Variants in UBXN7 observed in about 807,000 individuals in gnomAD.
UBXN7 encodes the protein UBX domain protein 7.
A neutral mutation model predicts 58.0 loss-of-function variants in UBXN7; 9 were observed. The ratio of observed to expected loss-of-function variants is 0.16; its 90% CI spans 0.09 to 0.27. UBXN7 has a LOEUF of 0.27. Ranked by LOEUF, UBXN7 falls within the 10% of genes least tolerant of loss-of-function variation. The pLI, the probability that UBXN7 is intolerant of heterozygous loss-of-function variation, is 1.00. For synonymous variants in UBXN7, 208 were observed against 205.0 expected (o/e 1.01, Z -0.12); for missense variants, 328 against 599.6 (o/e 0.55, Z 4.73).
At chr3:196,428,248 A>G (rs950014276) in intron 1 of UBXN7, among the ~76,000 whole-genome samples, 3 of 152,162 alleles carry the variant, frequency 2.0e-5, no homozygotes, top group Non-Finnish European at 4.4e-5. Context: ...TATCAGTCTG[A>G]CCATGCAAAA....
intron 5 of UBXN7, among the ~76,000 whole-genome samples, chr3:196,382,230 C>T (rs12487609): frequency 6.6e-6 from 1 of 152,174 alleles, no homozygotes; most frequent in Admixed American, 6.5e-5. Context: ...GTGTTAAGGG[C>T]AGCCAGAGAG....
At chr3:196,393,490 A>G in intron 4 of UBXN7, 64 bp downstream of exon 4, 1 of 1,492,396 alleles carries the variant, frequency 6.7e-7, no homozygotes, top group Non-Finnish European at 9.1e-7. Flanking sequence ...CCTAATAGTA[A>G]TCATCTTTGT....
chr3:196,391,790 G>A, intron 5 of UBXN7, 23 bp downstream of exon 5: 2 of 1,541,914 alleles, frequency 1.3e-6, no homozygotes, highest in Non-Finnish European at 1.8e-6. Context: ...CATAGTTAAG[G>A]CACTGACTCT....
chr3:196,431,225 G>C, intron 1 of UBXN7, among the ~76,000 whole-genome samples: 1 of 152,132 alleles, frequency 6.6e-6, no homozygotes, highest in Non-Finnish European at 1.5e-5. Flanking sequence ...GATCCGTTGA[G>C]AGGGAACTAA....
intron 2 of UBXN7, among the ~76,000 whole-genome samples, chr3:196,405,031 A>G (rs577295723): frequency 3.1e-4 from 47 of 152,250 alleles, no homozygotes; most frequent in African/African-American, 1.1e-3. Flanking sequence ...GCATGCGCCT[A>G]TAGTCCCAGC....
At chr3:196,367,857 CTCA>C (rs1728712510) in intron 8 of UBXN7, among the ~76,000 whole-genome samples, 168 bp downstream of exon 8, 1 of 152,172 alleles carries the variant, frequency 6.6e-6, no homozygotes, top group African/African-American at 2.4e-5. Context: ...AGATGGAACT[CTCA>C]TGTGGGAAAT....
Position 196,386,091 on chromosome 3 carries a change from T to A in UBXN7, c.468+5722A>T, listed in dbSNP as rs1577451812. Among the ~76,000 whole-genome samples the A allele has an allele frequency of 2.6e-5, 4 of 151,998 alleles. No individual in the cohort carries two copies. In the South Asian group the frequency reaches 8.3e-4, roughly 32 times the overall value. ...TATGACCTTACCCCCAACCCCATGC[T>A]CTCTGAAACATGTGCTGTGTCCACT... On this transcript the variant is annotated intron_variant, in intron 5 of 10. Transcript: ENST00000296328.
chr3:196,427,917 A>G (rs933577732), intron 1 of UBXN7, among the ~76,000 whole-genome samples: 1 of 152,192 alleles, frequency 6.6e-6, no homozygotes, highest in Non-Finnish European at 1.5e-5. Context: ...ACTTGAGGTC[A>G]GTTTGAGACC....
intron 5 of UBXN7, among the ~76,000 whole-genome samples, chr3:196,388,496 T>G (rs1020108985): frequency 2.0e-5 from 3 of 151,360 alleles, no homozygotes; most frequent in African/African-American, 4.9e-5. Context: ...CCAGTCTCTC[T>G]CACATGCAGT....
At chr3:196,379,438 C>T (rs894857344) in intron 5 of UBXN7, among the ~76,000 whole-genome samples, 3 of 152,154 alleles carry the variant, frequency 2.0e-5, no homozygotes, top group African/African-American at 7.2e-5. Flanking sequence ...TTTTACCGAG[C>T]CCCTATTCAA....
chr3:196,373,137 C>CA (rs1728892853), intron 5 of UBXN7, among the ~76,000 whole-genome samples: 1 of 152,164 alleles, frequency 6.6e-6, no homozygotes, highest in Admixed American at 6.6e-5. Flanking sequence ...TTTTAAACAT[C>CA]ATATTAATCT....
At position 196,429,064 on chromosome 3, in the gene UBXN7, A is replaced by T. The variant is rs138656477; in HGVS notation, c.73+3263T>A. The stretch of plus-strand genomic sequence containing the variant: ...GTCATTAGGCCAGGCGCGGTGGCTC[A>T]CACGTGTAATCCCAGCACTTTGGGA... On this transcript the variant is annotated intron_variant, in intron 1 of 10. Coordinates refer to ENST00000296328, the MANE Select transcript of UBXN7 (RefSeq NM_015562.2). 8.4e-3 allele frequency among the ~76,000 whole-genome samples: 1,281 copies of T among 151,612 alleles called. 18 individuals are homozygous for T. Among genetic ancestry groups the T allele is most frequent in the African/African-American group, 0.029 (1,198 of 41,324 alleles).
At chr3:196,366,562 A>C (rs1728672900) in intron 8 of UBXN7, among the ~76,000 whole-genome samples, 1 of 152,030 alleles carries the variant, frequency 6.6e-6, no homozygotes, top group African/African-American at 2.4e-5. Context: ...ACCACATCTC[A>C]AAAAATACAA....
intron 9 of UBXN7, 140 bp from the exon 10 acceptor site, chr3:196,362,063 A>C: frequency 1.0e-6 from 1 of 997,370 alleles, no homozygotes; most frequent in Non-Finnish European, 1.5e-6. Flanking sequence ...GCGTGATCTC[A>C]GCTCACTGCA....
At chr3:196,385,271 C>T (rs1252591583) in intron 5 of UBXN7, among the ~76,000 whole-genome samples, 1 of 152,180 alleles carries the variant, frequency 6.6e-6, no homozygotes, top group Non-Finnish European at 1.5e-5. Context: ...CCCGAGGTGC[C>T]GGGATTGCAG....
At chr3:196,379,736 G>C (rs1729142342) in intron 5 of UBXN7, among the ~76,000 whole-genome samples, 1 of 152,116 alleles carries the variant, frequency 6.6e-6, no homozygotes, top group Non-Finnish European at 1.5e-5. Context: ...TTTGGGTTGG[G>C]GGTATCTTCG....
At chr3:196,431,974 G>A (rs1237862893) in intron 1 of UBXN7, 3 of 463,172 alleles carry the variant, frequency 6.5e-6, no homozygotes, top group South Asian at 2.0e-5. Context: ...GATGAAGGAG[G>A]AGGAGGAGGG....
At chr3:196,379,721 T>C (rs1177994132) in intron 5 of UBXN7, among the ~76,000 whole-genome samples, 1 of 152,134 alleles carries the variant, frequency 6.6e-6, no homozygotes, top group Non-Finnish European at 1.5e-5. Flanking sequence ...CACAGATGAT[T>C]TTCCTTTGGG....
intron 1 of UBXN7, among the ~76,000 whole-genome samples, chr3:196,426,381 G>A (rs1258951267): frequency 4.9e-5 from 5 of 101,698 alleles, no homozygotes; most frequent in African/African-American, 8.5e-5. Flanking sequence ...ATAAGACTTC[G>A]TCTCAAAAAA....
Sources: gnomAD v4.1 joint callset for allele counts (sites outside exome capture counted in the v4.1 genomes callset) on GRCh38, gnomAD v4.1.1 for gene constraint, MANE v1.5 for transcripts, NCBI Gene and HGNC (gene_info 2026-07-23, HGNC 2026-07-21) for gene names.